HGS: variants seen among roughly 807,000 people sequenced by gnomAD.
HGS encodes hepatocyte growth factor-regulated tyrosine kinase substrate.
In HGS, 63 loss-of-function variants were observed where a neutral mutation model predicts 109.7. The ratio of observed to expected loss-of-function variants is 0.57; its 90% confidence interval spans 0.47 to 0.71. HGS has a LOEUF of 0.71. Ranked by LOEUF, HGS falls within the 30% of genes least tolerant of loss-of-function variation. The pLI is 0.00. For synonymous variants in HGS, 546 were observed against 437.3 expected (o/e 1.25, Z -3.10); for missense variants, 995 against 1,068.3 (o/e 0.93, Z 0.96).
At chr17:81,685,573 AC>A in intron 1 of HGS, 31 bp from the exon 2 acceptor site, 1 of 1,556,572 alleles carries the variant, frequency 6.4e-7, no homozygotes, top group Non-Finnish European at 8.8e-7. Flanking sequence ...CAGCAGGATA[AC>A]CCCTCCCTTT....
Position 81,696,340 on chromosome 17 carries a change from C to G in HGS, c.1394-17C>G. The G allele has an allele frequency of 6.4e-7, 1 of 1,550,984 alleles. No homozygotes were observed. The highest frequency in any genetic ancestry group is 8.7e-7 in the Non-Finnish European group (1 of 1,152,818). ...CTGTGCCGGAGTGGTCAGGGTTGCT[C>G]TGTCATCTGCCCACAGTGTACTATG... On this transcript the variant is annotated splice_polypyrimidine_tract_variant and intron_variant, in intron 15 of 21. Coordinates refer to ENST00000329138, the MANE Select transcript of HGS (RefSeq NM_004712.5).
At chr17:81,690,954 A>T in intron 7 of HGS, 1 of 533,704 alleles carries the variant, frequency 1.9e-6, no homozygotes, top group Non-Finnish European at 3.3e-6. Context: ...GCCCAGCCTC[A>T]CTCTGGAATT....
intron 2 of HGS, 126 bp from the exon 3 acceptor site, chr17:81,686,186 C>G: frequency 1.3e-6 from 1 of 749,758 alleles, no homozygotes; most frequent in South Asian, 1.7e-5. Context: ...CTGCCTTGGC[C>G]TCCCAAAGCA....
chr17:81,684,673 C>T (rs2036943625), intron 1 of HGS, among the ~76,000 whole-genome samples: 1 of 152,126 alleles, frequency 6.6e-6, no homozygotes, highest in Non-Finnish European at 1.5e-5. Context: ...ATCTGAGCCT[C>T]CTGGAATTGA....
chr17:81,693,188 G>A (rs1445845558), intron 8 of HGS, among the ~76,000 whole-genome samples: 1 of 152,204 alleles, frequency 6.6e-6, no homozygotes, highest in African/African-American at 2.4e-5. Flanking sequence ...CCACAGTGGC[G>A]GTGCTGTGTT....
rs759901029 is a variant in HGS, at chr17:81,694,954, GAGA to G, written c.1012_1014del (p.Lys338del). 5.6e-6 allele frequency: 9 copies of G among 1,614,060 alleles called. No individual in the cohort carries two copies. The highest frequency in any genetic ancestry group is 6.8e-6 in the Non-Finnish European group (8 of 1,180,052). ...ACGGTATCTCAACCGGAACTACTGG[GAGA>G]AGAAGCAGGAGGAGGCTCGCAAGAG... On this transcript the variant is annotated inframe_deletion, in exon 13 of 22. Transcript: ENST00000329138.
intron 15 of HGS, 110 bp from the exon 16 acceptor site, chr17:81,696,247 C>T (rs2093747160): frequency 3.0e-6 from 4 of 1,334,956 alleles, no homozygotes; most frequent in Non-Finnish European, 4.0e-6. Context: ...ACCTTCAGAG[C>T]CCTCTGCAGA....
intron 18 of HGS, chr17:81,697,199 A>G: frequency 1.6e-6 from 1 of 608,516 alleles, no homozygotes; most frequent in Non-Finnish European, 2.8e-6. Flanking sequence ...CGTGCGTGGC[A>G]GGTACTGCCC....
intron 2 of HGS, 151 bp downstream of exon 2, chr17:81,685,840 A>G (rs1300197305): frequency 1.8e-6 from 1 of 569,342 alleles, no homozygotes; most frequent in Non-Finnish European, 3.1e-6. Flanking sequence ...ATTTTTTGAC[A>G]TCTTGGAGGA....
chr17:81,687,161 TG>T, intron 4 of HGS, 66 bp downstream of exon 4: 1 of 1,052,866 alleles, frequency 9.5e-7, no homozygotes, highest in Non-Finnish European at 1.5e-6. Context: ...GGGTGTTTAC[TG>T]GGCACTGATG....
At chr17:81,699,982 G>A (rs1225392490) in intron 18 of HGS, among the ~76,000 whole-genome samples, 3 of 151,966 alleles carry the variant, frequency 2.0e-5, no homozygotes, top group Non-Finnish European at 4.4e-5. Flanking sequence ...GGCTGAGGCA[G>A]GAGAATTGCT....
intron 15 of HGS, 49 bp downstream of exon 15, chr17:81,696,048 T>G: frequency 4.1e-6 from 6 of 1,474,366 alleles, no homozygotes; most frequent in South Asian, 2.6e-5. Flanking sequence ...CCAGGTGTTG[T>G]GAGCGCCATC....
Position 81,701,865 on chromosome 17 carries a change from C to G in HGS, c.*247C>G. On this transcript the variant is annotated 3_prime_UTR_variant, in exon 22 of 22. Transcript: ENST00000329138. Reference sequence around the variant, plus strand: ...GGGAAGGACTTTCTCCCAGGGGAAGCCCCCAGCCCTGTGGGTCATGGTCTG... The same window carrying G: ...GGGAAGGACTTTCTCCCAGGGGAAGGCCCCAGCCCTGTGGGTCATGGTCTG... 2.0e-6 allele frequency: 1 copy of G among 488,738 alleles called. No individual in the cohort carries two copies. The highest frequency in any genetic ancestry group is 2.0e-5 in the African/African-American group (1 of 50,312). 30.3% of individuals were successfully genotyped at this position (488,738 alleles called of 1,614,324 possible). A position where few individuals can be genotyped will look rare whatever the true frequency, so the allele number is the denominator to read the frequency against.
Position 81,701,612 on chromosome 17 carries a change from C to A in HGS, c.2328C>A (p.Phe776Leu). 6.4e-7 allele frequency: 1 copy of A among 1,564,198 alleles called. No individual in the cohort carries two copies. The change falls in exon 22 of 22, where the codon TTC (phenylalanine) becomes TTA (leucine). Residue 776 changes from phenylalanine (F) to leucine (L), a missense_variant. Phe to Leu is a conservative substitution (Grantham distance 22). Around this residue, in one of 6 missense-constraint regions of HGS, gnomAD observed 326 missense variants for 309.7 expected, o/e 1.05. Coordinates refer to ENST00000329138, the MANE Select transcript of HGS (RefSeq NM_004712.5). ...GCAGCGAGGCCCAGCTCATTTCATT[C>A]GACTGACCCAGGCCATGCTCACGTC... ...AQGSEAQLIS[F>L]D is the part of the protein sequence containing the mutation.
intron 1 of HGS, chr17:81,684,812 G>A (rs2036946710): frequency 1.3e-6 from 1 of 745,614 alleles, no homozygotes; most frequent in Non-Finnish European, 1.6e-6. Context: ...TTGTCAAGTA[G>A]GGTTTTCAAG....
chr17:81,689,709 G>A (rs2037035185), intron 5 of HGS, among the ~76,000 whole-genome samples: 1 of 152,202 alleles, frequency 6.6e-6, no homozygotes. Context: ...AGAACGCAGG[G>A]GGCGCTGCAC....
At chr17:81,693,409 A>G (rs2037094101) in intron 8 of HGS, 94 bp from the exon 9 acceptor site, 2 of 892,746 alleles carry the variant, frequency 2.2e-6, no homozygotes, top group African/African-American at 1.6e-5. Flanking sequence ...CTGTGGGGAC[A>G]CTTAGAGGAG....
intron 18 of HGS, among the ~76,000 whole-genome samples, chr17:81,698,541 GT>G (rs1340361754): frequency 6.6e-6 from 1 of 152,132 alleles, no homozygotes; most frequent in African/African-American, 2.4e-5. Context: ...TAGATACTCT[GT>G]GCTCGTCTTG....
intron 4 of HGS, 46 bp from the exon 5 acceptor site, chr17:81,688,656 GGC>G: frequency 6.2e-7 from 1 of 1,607,358 alleles, no homozygotes; most frequent in South Asian, 1.1e-5. Flanking sequence ...CGAGGCCTCT[GGC>G]GCCTGGAGTG....
Sources: allele counts gnomAD v4.1 joint callset (sites outside exome capture counted in the v4.1 genomes callset), GRCh38; gene constraint gnomAD v4.1.1; regional missense constraint gnomAD v4.1.1; transcripts MANE v1.5; gene names NCBI Gene and HGNC (gene_info 2026-07-23, HGNC 2026-07-21).